The following SLC9A9 variants were observed in gnomAD, a reference collection of about 807,000 sequenced individuals.
SLC9A9 encodes sodium/hydrogen exchanger 9.
SLC9A9 carries 62 observed loss-of-function variants against 77.8 expected under a neutral mutation model. The ratio of observed to expected loss-of-function variants is 0.80; its 90% CI spans 0.65 to 0.98. SLC9A9 has a LOEUF of 0.98. SLC9A9 is among the 50% of genes least tolerant of loss of function. The pLI, the probability that SLC9A9 is intolerant of heterozygous loss-of-function variation, is 0.00. For synonymous variants in SLC9A9, 320 were observed against 283.5 expected, an observed-to-expected ratio of 1.13 and a Z score of -1.29; for missense variants, 775 against 774.9, an observed-to-expected ratio of 1.00 and a Z score of 0.00.
chr3:143,749,720 C>T (rs1332075790), intron 4 of SLC9A9, among the ~76,000 whole-genome samples: 1 of 152,162 alleles, frequency 6.6e-6, no homozygotes, highest in African/African-American at 2.4e-5. Flanking sequence ...TCTTACAATT[C>T]TCAGAGAGTT....
chr3:143,397,539 C>T (rs534137162), intron 12 of SLC9A9, among the ~76,000 whole-genome samples: 1 of 152,198 alleles, frequency 6.6e-6, no homozygotes, highest in Non-Finnish European at 1.5e-5. Flanking sequence ...ACCTGAAAAC[C>T]ATTGTGGTTA....
chr3:143,517,090 TCAGCAA>T, intron 9 of SLC9A9: 1 of 1,363,390 alleles, frequency 7.3e-7, no homozygotes, highest in Non-Finnish European at 1.0e-6. Flanking sequence ...TTTTTTTCCT[TCAGCAA>T]GGGCTTTATT....
At chr3:143,633,744 A>G (rs2038466389) in intron 6 of SLC9A9, among the ~76,000 whole-genome samples, 1 of 152,184 alleles carries the variant, frequency 6.6e-6, no homozygotes, top group Admixed American at 6.5e-5. Context: ...ATAAAATACT[A>G]TCTATTTCTT....
At chr3:143,834,335 T>C (rs1474287122) in intron 1 of SLC9A9, among the ~76,000 whole-genome samples, 2 of 151,892 alleles carry the variant, frequency 1.3e-5, no homozygotes, top group Admixed American at 6.6e-5. Context: ...GAAGGGAACA[T>C]AGATCATCTA....
At chr3:143,773,260 G>A (rs1322375249) in intron 4 of SLC9A9, among the ~76,000 whole-genome samples, 1 of 152,084 alleles carries the variant, frequency 6.6e-6, no homozygotes. Flanking sequence ...CCAATTTCAA[G>A]CTAGCAATGA....
intron 11 of SLC9A9, among the ~76,000 whole-genome samples, chr3:143,479,734 G>T (rs932516939): frequency 1.3e-5 from 2 of 152,102 alleles, no homozygotes; most frequent in Non-Finnish European, 2.9e-5. Context: ...GGAGCCATGG[G>T]CCTTTGTCTT....
chr3:143,784,637 G>A (rs999009725), intron 4 of SLC9A9, among the ~76,000 whole-genome samples: 3 of 151,898 alleles, frequency 2.0e-5, no homozygotes, highest in Non-Finnish European at 4.4e-5. Context: ...GGGATTACAG[G>A]CATGAATCAC....
intron 12 of SLC9A9, among the ~76,000 whole-genome samples, chr3:143,407,348 C>A (rs1241282967): frequency 6.6e-6 from 1 of 152,008 alleles, no homozygotes; most frequent in Non-Finnish European, 1.5e-5. Flanking sequence ...AATTGAGTGG[C>A]AAAATCTTAG....
chr3:143,696,009 T>A (rs2360862), intron 4 of SLC9A9, among the ~76,000 whole-genome samples: 64,872 of 151,550 alleles, frequency 0.43, 13,990 homozygotes, highest in South Asian at 0.6. Context: ...TTATTTCTTG[T>A]AAATTTGTTT....
At chr3:143,678,411 G>T (rs898800850) in intron 5 of SLC9A9, among the ~76,000 whole-genome samples, 9 of 151,774 alleles carry the variant, frequency 5.9e-5, no homozygotes, top group Non-Finnish European at 1.0e-4. Flanking sequence ...AGATTTTCTT[G>T]CAGTAGTTTT....
At chr3:143,347,564 AC>A (rs2032324426) in intron 14 of SLC9A9, among the ~76,000 whole-genome samples, 1 of 152,138 alleles carries the variant, frequency 6.6e-6, no homozygotes, top group African/African-American at 2.4e-5. Context: ...AGGAAAGGGC[AC>A]CCGGATAGGG....
chr3:143,689,944 C>T (rs1933405236), intron 5 of SLC9A9, among the ~76,000 whole-genome samples: 1 of 151,842 alleles, frequency 6.6e-6, no homozygotes, highest in African/African-American at 2.4e-5. Flanking sequence ...CTGTGATTTT[C>T]TTTTTAGAAT....
At chr3:143,810,087 G>A (rs1020018100) in intron 2 of SLC9A9, among the ~76,000 whole-genome samples, 6 of 152,052 alleles carry the variant, frequency 3.9e-5, no homozygotes, top group Non-Finnish European at 5.9e-5. Flanking sequence ...AGATAAAATG[G>A]GAGAGAGAAA....
chr3:143,441,631 G>GAAA (rs2034736913), intron 12 of SLC9A9, among the ~76,000 whole-genome samples: 1 of 150,496 alleles, frequency 6.6e-6, no homozygotes, highest in African/African-American at 2.4e-5. Flanking sequence ...TTTTCCAGAA[G>GAAA]AAAAAAACCT....
intron 14 of SLC9A9, among the ~76,000 whole-genome samples, chr3:143,285,610 C>G (rs1354803221): frequency 6.6e-6 from 1 of 152,168 alleles, no homozygotes; most frequent in Non-Finnish European, 1.5e-5. Context: ...GAGAAAAGAC[C>G]TCCACTTCTC....
intron 6 of SLC9A9, among the ~76,000 whole-genome samples, chr3:143,590,417 A>G (rs938733737): frequency 2.0e-5 from 3 of 152,232 alleles, no homozygotes; most frequent in African/African-American, 4.8e-5. Flanking sequence ...TCTACTTCTA[A>G]TAATATAAAG....
At chr3:143,828,575 A>T (rs2009358946) in intron 2 of SLC9A9, among the ~76,000 whole-genome samples, 1 of 152,128 alleles carries the variant, frequency 6.6e-6, no homozygotes, top group Non-Finnish European at 1.5e-5. Context: ...ACACACACAC[A>T]CACACACAGA....
chr3:143,381,987 G>A, intron 13 of SLC9A9, 73 bp downstream of exon 13: 1 of 1,561,734 alleles, frequency 6.4e-7, no homozygotes, highest in Non-Finnish European at 8.8e-7. Context: ...TCACATGCTG[G>A]ACAAACATGG....
chr3:143,613,106 T>C (rs1221375838), intron 6 of SLC9A9, among the ~76,000 whole-genome samples: 3 of 152,260 alleles, frequency 2.0e-5, no homozygotes, highest in Admixed American at 6.5e-5. Context: ...CAAAACATTT[T>C]TCTATGGCAA....
Sources: gnomAD v4.1 joint callset for allele counts (sites outside exome capture counted in the v4.1 genomes callset) on GRCh38, gnomAD v4.1.1 for gene constraint, MANE v1.5 for transcripts, NCBI Gene and HGNC (gene_info 2026-07-23, HGNC 2026-07-21) for gene names.